The following TPRG1 variants were observed in gnomAD, a reference collection of about 807,000 sequenced individuals.
The protein encoded by TPRG1 is tumor protein p63-regulated gene 1 protein.
TPRG1 carries 29 observed loss-of-function variants against 29.3 expected under a neutral mutation model. The ratio of observed to expected loss-of-function variants is 0.99; its 90% CI spans 0.74 to 1.35. The LOEUF (loss-of-function observed/expected upper bound fraction) is 1.35. Among genes scored for constraint, TPRG1 ranks in the 40% most tolerant of loss-of-function variants. TPRG1 has a pLI of 0.00. For missense variants in TPRG1, 327 were observed against 335.0 expected, an observed-to-expected ratio of 0.98 and a Z score of 0.19; for synonymous variants, 130 against 116.8, an observed-to-expected ratio of 1.11 and a Z score of -0.73.
Position 189,238,735 on chromosome 3 carries a change from T to G in TPRG1, c.305T>G (p.Ile102Arg), listed in dbSNP as rs776338280. ...TIQGFWLLTKIDHWNNEKERI... is the reference protein window; with the variant it reads ...TIQGFWLLTKRDHWNNEKERI... ...ATTTGCTATGATGATTCCTATAGGA[T>G]AGACCACTGGAACAATGAGAAGGAG... The change falls in exon 4 of 6, where the codon ATA becomes AGA. Residue 102 changes from isoleucine (I) to arginine (R), a missense_variant and splice_region_variant. Physicochemically the swap from Ile to Arg is moderately conservative, Grantham distance 97. Coordinates refer to ENST00000345063, the MANE Select transcript of TPRG1 (RefSeq NM_198485.4). The G allele has an allele frequency of 4.3e-6, 7 of 1,610,382 alleles. No homozygotes were observed. Among genetic ancestry groups the G allele is most frequent in the Non-Finnish European group, 4.2e-6 (5 of 1,177,922 alleles).
intron 2 of TPRG1, among the ~76,000 whole-genome samples, chr3:189,213,532 A>G (rs563917548): frequency 2.5e-4 from 38 of 152,318 alleles, no homozygotes; most frequent in Non-Finnish European, 2.2e-4. Flanking sequence ...GAGAAGACTG[A>G]TAGAACTCCA....
chr3:189,252,006 A>G (rs1361066936), intron 4 of TPRG1, among the ~76,000 whole-genome samples: 5 of 152,170 alleles, frequency 3.3e-5, no homozygotes, highest in Non-Finnish European at 5.9e-5. Flanking sequence ...ACCTTGGACA[A>G]TACCTGGCTT....
At chr3:189,272,713 C>CTTCT (rs745809250) in intron 4 of TPRG1, among the ~76,000 whole-genome samples, 1 of 132,412 alleles carries the variant, frequency 7.6e-6, no homozygotes, top group Non-Finnish European at 1.6e-5. Flanking sequence ...TTCTTTCTTT[C>CTTCT]TCCTTCCTTC....
chr3:189,140,389 G>C (rs1724384769), intron 3 of TPRG1, among the ~76,000 whole-genome samples: 1 of 152,198 alleles, frequency 6.6e-6, no homozygotes, highest in East Asian at 1.9e-4. Context: ...AAATGGAGTG[G>C]ACGAAGTGTA....
chr3:189,067,433 T>C (rs912713909), intron 4 of TPRG1, among the ~76,000 whole-genome samples: 7 of 152,130 alleles, frequency 4.6e-5, no homozygotes, highest in African/African-American at 1.7e-4. Flanking sequence ...TACAGAGCTA[T>C]AGTAACCAAA....
At chr3:189,117,928 C>A (rs556858200) in intron 1 of TPRG1, among the ~76,000 whole-genome samples, 2 of 152,232 alleles carry the variant, frequency 1.3e-5, no homozygotes, top group African/African-American at 4.8e-5. Flanking sequence ...TAGTGGGGTG[C>A]TGCTGTAAAG....
At chr3:189,106,077 C>T (rs1719787588) in intron 1 of TPRG1, among the ~76,000 whole-genome samples, 1 of 152,026 alleles carries the variant, frequency 6.6e-6, no homozygotes, top group South Asian at 2.1e-4. Context: ...AACAAAAACA[C>T]TGAAAAACAA....
At chr3:189,229,710 G>A (rs1005113126) in intron 3 of TPRG1, among the ~76,000 whole-genome samples, 1 of 152,238 alleles carries the variant, frequency 6.6e-6, no homozygotes, top group Non-Finnish European at 1.5e-5. Context: ...TCTTGAGAGA[G>A]TAGCTTTTGC....
intron 4 of TPRG1, among the ~76,000 whole-genome samples, chr3:189,272,787 T>C (rs983544514): frequency 4.6e-5 from 7 of 150,954 alleles, no homozygotes; most frequent in African/African-American, 1.7e-4. Context: ...CTCTCTTTCT[T>C]TTCTACAAAG....
chr3:189,312,826 G>T (rs1277168617), intron 5 of TPRG1, among the ~76,000 whole-genome samples: 4 of 152,118 alleles, frequency 2.6e-5, no homozygotes, highest in Admixed American at 6.5e-5. Flanking sequence ...ATTGGATTTT[G>T]CCCTAGCCTT....
intron 4 of TPRG1, among the ~76,000 whole-genome samples, chr3:189,275,592 A>G (rs1445949980): frequency 6.6e-6 from 1 of 152,190 alleles, no homozygotes; most frequent in Non-Finnish European, 1.5e-5. Context: ...TGGTCAGGAA[A>G]GAAATTCAGA....
At chr3:189,181,823 C>T (rs184506982) in intron 1 of TPRG1, among the ~76,000 whole-genome samples, 5 of 152,304 alleles carry the variant, frequency 3.3e-5, no homozygotes, top group Admixed American at 2.6e-4. Flanking sequence ...CTGTATTCAT[C>T]CGTTTTCACA....
upstream of TPRG1, among the ~76,000 whole-genome samples, chr3:189,167,885 GAGAA>G (rs1407960566): frequency 6.6e-6 from 1 of 152,164 alleles, no homozygotes; most frequent in Non-Finnish European, 1.5e-5. Context: ...TTTTGCAAAG[GAGAA>G]AGAGAGGCCA....
intron 5 of TPRG1, among the ~76,000 whole-genome samples, chr3:189,152,484 C>T (rs371772495): frequency 1.4e-4 from 21 of 152,082 alleles, no homozygotes; most frequent in East Asian, 9.6e-4. Context: ...ACAGGCATGT[C>T]TGCTGCAGTA....
At chr3:189,029,245 A>G (rs1415331888) in intron 4 of TPRG1, among the ~76,000 whole-genome samples, 2 of 152,178 alleles carry the variant, frequency 1.3e-5, no homozygotes, top group Admixed American at 6.5e-5. Flanking sequence ...TCAGTTTGTG[A>G]GATGTGACTT....
At chr3:188,998,170 T>C (rs76058421) in intron 1 of TPRG1, among the ~76,000 whole-genome samples, 3,976 of 151,982 alleles carry the variant, frequency 0.026, 185 homozygotes, top group African/African-American at 0.092. Flanking sequence ...AACAGAAATA[T>C]GATAGTAACA....
intron 4 of TPRG1, among the ~76,000 whole-genome samples, chr3:189,268,937 C>G (rs1204834246): frequency 2.6e-5 from 4 of 152,120 alleles, no homozygotes; most frequent in Non-Finnish European, 5.9e-5. Context: ...GCTTTTCAAG[C>G]CTTGTCAATT....
At chr3:189,119,288 G>C (rs975006231) in intron 1 of TPRG1, among the ~76,000 whole-genome samples, 1 of 152,178 alleles carries the variant, frequency 6.6e-6, no homozygotes, top group African/African-American at 2.4e-5. Context: ...TTTACCCAAT[G>C]CCTATGCCCC....
At chr3:189,221,931 C>A (rs186816383) in intron 3 of TPRG1, among the ~76,000 whole-genome samples, 36 of 152,160 alleles carry the variant, frequency 2.4e-4, no homozygotes, top group African/African-American at 7.7e-4. Flanking sequence ...TCTCCCAGGC[C>A]AGTTGTCTTC....
Sources: allele counts gnomAD v4.1 joint callset (sites outside exome capture counted in the v4.1 genomes callset), GRCh38; gene constraint gnomAD v4.1.1; transcripts MANE v1.5; gene names NCBI Gene and HGNC (gene_info 2026-07-23, HGNC 2026-07-21).